The following LRP1B variants were observed in gnomAD, a reference collection of about 807,000 sequenced individuals.
LRP1B encodes LDL receptor related protein 1B, also known as low-density lipoprotein receptor-related protein 1B.
Under a neutral mutation model 556.6 loss-of-function variants are expected in LRP1B, and 217 were observed. The ratio of observed to expected loss-of-function variants is 0.39; its 90% CI spans 0.35 to 0.44. The LOEUF is 0.44. LRP1B is among the 20% of genes least tolerant of loss of function. LRP1B has a pLI of 1.00. For missense variants in LRP1B, 5,053 were observed against 5,620.8 expected, an observed-to-expected ratio of 0.90 and a Z score of 3.23; for synonymous variants, 2,047 against 1,865.8, an observed-to-expected ratio of 1.10 and a Z score of -2.50.
chr2:141,883,436 C>A (rs945954857), intron 1 of LRP1B, among the ~76,000 whole-genome samples: 5 of 152,112 alleles, frequency 3.3e-5, no homozygotes, highest in African/African-American at 1.2e-4. Flanking sequence ...GGCAATGATT[C>A]AAAATTACCT....
chr2:140,342,018 G>A (rs1406963937), intron 77 of LRP1B, among the ~76,000 whole-genome samples: 2 of 151,248 alleles, frequency 1.3e-5, no homozygotes, highest in African/African-American at 2.4e-5. Context: ...AAACCACGAC[G>A]AGATCCCATC....
intron 47 of LRP1B, among the ~76,000 whole-genome samples, chr2:140,532,335 G>T (rs781262281): frequency 6.6e-6 from 1 of 151,894 alleles, no homozygotes; most frequent in African/African-American, 2.4e-5. Context: ...GGCACAAAAT[G>T]CACCTTCATG....
At chr2:141,789,951 C>G (rs1047419875) in intron 2 of LRP1B, among the ~76,000 whole-genome samples, 2 of 151,932 alleles carry the variant, frequency 1.3e-5, no homozygotes, top group Non-Finnish European at 2.9e-5. Flanking sequence ...ATTATAGCTT[C>G]AAGCACTCTA....
At chr2:140,971,775 A>T (rs1696433623) in intron 18 of LRP1B, among the ~76,000 whole-genome samples, 2 of 152,206 alleles carry the variant, frequency 1.3e-5, no homozygotes, top group South Asian at 4.1e-4. Flanking sequence ...TGGAGTTTGC[A>T]GTGAGCCGAG....
At chr2:140,324,414 C>A (rs895337998) in intron 80 of LRP1B, among the ~76,000 whole-genome samples, 1 of 151,964 alleles carries the variant, frequency 6.6e-6, no homozygotes, top group South Asian at 2.1e-4. Context: ...TACAAACAGG[C>A]AATTTACACA....
chr2:140,844,488 T>C (rs1271668209), intron 29 of LRP1B, among the ~76,000 whole-genome samples: 1 of 152,092 alleles, frequency 6.6e-6, no homozygotes, highest in Non-Finnish European at 1.5e-5. Flanking sequence ...CCACATCTGG[T>C]TGTTGCAGAG....
chr2:140,710,631 T>C (rs1574268368), intron 37 of LRP1B, among the ~76,000 whole-genome samples: 3 of 151,898 alleles, frequency 2.0e-5, no homozygotes. Context: ...GAATAAAATA[T>C]AATGCTCACA....
chr2:141,988,882 A>AT (rs1291288432), intron 1 of LRP1B, among the ~76,000 whole-genome samples: 8 of 152,206 alleles, frequency 5.3e-5, no homozygotes, highest in African/African-American at 1.9e-4. Context: ...CATTACTAAT[A>AT]TAACAGCTTT....
chr2:140,507,022 G>A, intron 52 of LRP1B, 104 bp from the exon 53 acceptor site: 3 of 1,235,148 alleles, frequency 2.4e-6, no homozygotes, highest in Non-Finnish European at 3.3e-6. Flanking sequence ...ATAATTCATA[G>A]TTACTGAGAA....
Position 140,356,398 on chromosome 2 carries a change from A to G in LRP1B, c.11474T>C (p.Val3825Ala). 1.2e-6 allele frequency: 2 copies of G among 1,610,920 alleles called. No homozygotes were observed. The highest frequency in any genetic ancestry group is 1.7e-6 in the Non-Finnish European group (2 of 1,177,762). ...DAYCNQIKTS[V>A]FCRCKPGFQR... ...AAATCCAGGCTTACAGCGACAGAAA[A>G]CAGATGTTTTTATTTGATTACAATA... The change falls in exon 75 of 91, where the codon GTT (valine) becomes GCT (alanine). Residue 3825 changes from valine (V) to alanine (A), a missense_variant. Around this residue, in one of 5 missense-constraint regions of LRP1B, gnomAD observed 599 missense variants for 648.4 expected, o/e 0.92. Coordinates refer to ENST00000389484, the MANE Select transcript of LRP1B (RefSeq NM_018557.3).
At chr2:140,665,973 C>A (rs1325578945) in intron 41 of LRP1B, among the ~76,000 whole-genome samples, 2 of 150,040 alleles carry the variant, frequency 1.3e-5, no homozygotes, top group Non-Finnish European at 2.9e-5. Flanking sequence ...AATACCACTT[C>A]AGTGGAGTAA....
intron 2 of LRP1B, among the ~76,000 whole-genome samples, chr2:141,550,428 T>A (rs1417461979): frequency 6.6e-6 from 1 of 152,140 alleles, no homozygotes; most frequent in Non-Finnish European, 1.5e-5. Context: ...GTAAACAGAT[T>A]TTTAGCTCCT....
At chr2:141,897,869 A>G (rs1289076048) in intron 1 of LRP1B, among the ~76,000 whole-genome samples, 2 of 152,148 alleles carry the variant, frequency 1.3e-5, no homozygotes, top group African/African-American at 2.4e-5. Context: ...TACATGTGCA[A>G]AAAGGATTGT....
At chr2:141,731,098 C>G (rs1386594021) in intron 2 of LRP1B, among the ~76,000 whole-genome samples, 1 of 152,124 alleles carries the variant, frequency 6.6e-6, no homozygotes, top group Non-Finnish European at 1.5e-5. Context: ...CTGCCCCAAA[C>G]AAAGACCATT....
At chr2:140,696,198 A>G (rs1411230084) in intron 41 of LRP1B, among the ~76,000 whole-genome samples, 1 of 152,110 alleles carries the variant, frequency 6.6e-6, no homozygotes, top group Non-Finnish European at 1.5e-5. Context: ...TCTTACTTAT[A>G]TTTATTTATA....
At chr2:140,910,428 TTA>T (rs1694386684) in intron 21 of LRP1B, among the ~76,000 whole-genome samples, 1 of 151,786 alleles carries the variant, frequency 6.6e-6, no homozygotes, top group Non-Finnish European at 1.5e-5. Context: ...GGTAATCATT[TTA>T]AAATAAGGAT....
At chr2:140,282,852 C>G (rs1162541931) in intron 84 of LRP1B, among the ~76,000 whole-genome samples, 1 of 151,744 alleles carries the variant, frequency 6.6e-6, no homozygotes, top group African/African-American at 2.4e-5. Flanking sequence ...GTAGAAAACA[C>G]CCAACCATCA....
chr2:141,291,065 T>C (rs965834991), intron 3 of LRP1B, among the ~76,000 whole-genome samples: 6 of 152,120 alleles, frequency 3.9e-5, no homozygotes, highest in African/African-American at 1.4e-4. Flanking sequence ...TCTAATTTTG[T>C]AATCAAAAAT....
chr2:140,574,488 A>G (rs1681443830), intron 43 of LRP1B, among the ~76,000 whole-genome samples: 1 of 152,140 alleles, frequency 6.6e-6, no homozygotes, highest in African/African-American at 2.4e-5. Context: ...TAACTTAGTG[A>G]TTGGAGGGTG....
Sources: gnomAD v4.1 joint callset for allele counts (sites outside exome capture counted in the v4.1 genomes callset) on GRCh38, gnomAD v4.1.1 for gene constraint, gnomAD v4.1.1 regional missense constraint, MANE v1.5 for transcripts, NCBI Gene and HGNC (gene_info 2026-07-23, HGNC 2026-07-21) for gene names.